Variants in OXR1 observed in about 807,000 individuals in gnomAD.
The protein encoded by OXR1 is oxidation resistance protein 1.
Under a neutral mutation model 104.6 loss-of-function variants are expected in OXR1, and 41 were observed. The ratio of observed to expected loss-of-function variants is 0.39; its 90% confidence interval spans 0.31 to 0.51. OXR1 has a LOEUF of 0.51. Ranked by LOEUF, OXR1 falls within the 20% of genes least tolerant of loss-of-function variation. The pLI is 0.77. For missense variants in OXR1, 955 were observed against 1,031.9 expected (o/e 0.93, Z 1.02); for synonymous variants, 348 against 348.4 (o/e 1.00, Z 0.01).
chr8:106,288,539 TGTGTATATATATATA>T (rs1307936829), intron 1 of OXR1, among the ~76,000 whole-genome samples: 2 of 139,070 alleles, frequency 1.4e-5, no homozygotes, highest in East Asian at 2.0e-4. Flanking sequence ...TATGTGTGTG[TGTGTATATATATATA>T]GTGTGTATAT....
chr8:106,664,269 C>G (rs566845571), intron 3 of OXR1, among the ~76,000 whole-genome samples: 1 of 152,338 alleles, frequency 6.6e-6, no homozygotes, highest in East Asian at 1.9e-4. Flanking sequence ...GATTCTCAAA[C>G]TTCAGCATGC....
intron 1 of OXR1, among the ~76,000 whole-genome samples, chr8:106,315,495 G>A (rs905116821): frequency 6.6e-6 from 1 of 152,026 alleles, no homozygotes; most frequent in African/African-American, 2.4e-5. Flanking sequence ...TTTAAAGCCT[G>A]GCTAAAAATT....
intron 3 of OXR1, among the ~76,000 whole-genome samples, chr8:106,651,558 A>T (rs747665233): frequency 2.0e-5 from 3 of 152,122 alleles, no homozygotes; most frequent in Non-Finnish European, 2.9e-5. Flanking sequence ...GTTGAAAATC[A>T]GTCTGTTTTC....
chr8:106,688,624 T>C (rs997482781), intron 6 of OXR1, among the ~76,000 whole-genome samples: 4 of 152,166 alleles, frequency 2.6e-5, no homozygotes, highest in African/African-American at 4.8e-5. Context: ...CATTTCAGAA[T>C]TTTAATCTTT....
intron 3 of OXR1, among the ~76,000 whole-genome samples, chr8:106,613,529 G>A (rs917095228): frequency 1.3e-5 from 2 of 152,328 alleles, no homozygotes; most frequent in Non-Finnish European, 2.9e-5. Flanking sequence ...CTCCCAAGTA[G>A]CTGGAAATAC....
At chr8:106,641,388 T>C (rs1441908583) in intron 3 of OXR1, among the ~76,000 whole-genome samples, 2 of 152,194 alleles carry the variant, frequency 1.3e-5, no homozygotes, top group Non-Finnish European at 2.9e-5. Context: ...GTAAATGAGA[T>C]GGAGAAGCAT....
At chr8:106,388,413 G>A (rs1323650709) in intron 2 of OXR1, among the ~76,000 whole-genome samples, 2 of 151,498 alleles carry the variant, frequency 1.3e-5, no homozygotes, top group East Asian at 3.9e-4. Context: ...GGTCTCACAG[G>A]ACTTTCAGTT....
At chr8:106,578,985 TTC>T (rs1226158169) in intron 3 of OXR1, among the ~76,000 whole-genome samples, 5 of 140,302 alleles carry the variant, frequency 3.6e-5, no homozygotes, top group Non-Finnish European at 7.7e-5. Flanking sequence ...CACTTTTTCT[TTC>T]TTTTTTTTTT....
At chr8:106,508,519 T>A (rs1006985887) in intron 2 of OXR1, among the ~76,000 whole-genome samples, 9 of 152,214 alleles carry the variant, frequency 5.9e-5, no homozygotes, top group African/African-American at 2.2e-4. Context: ...CTAGGGTAGC[T>A]AATCCGAATT....
At chr8:106,523,433 T>C (rs1813404572) in intron 3 of OXR1, among the ~76,000 whole-genome samples, 1 of 152,162 alleles carries the variant, frequency 6.6e-6, no homozygotes, top group Non-Finnish European at 1.5e-5. Flanking sequence ...ACCTGATATA[T>C]ACACATGCAA....
intron 1 of OXR1, among the ~76,000 whole-genome samples, chr8:106,346,225 A>C (rs1302927620): frequency 3.3e-5 from 5 of 152,200 alleles, no homozygotes; most frequent in Admixed American, 3.3e-4. Context: ...AAGATAATGA[A>C]AAAGAGCTAG....
intron 1 of OXR1, among the ~76,000 whole-genome samples, chr8:106,289,795 A>G (rs1234333267): frequency 1.3e-5 from 2 of 152,026 alleles, no homozygotes; most frequent in East Asian, 1.9e-4. Context: ...CATAATCCCC[A>G]TGTGTCATGG....
chr8:106,332,279 TTCTTCCAGTTGAA>T (rs1257349584), intron 1 of OXR1, among the ~76,000 whole-genome samples: 3 of 152,192 alleles, frequency 2.0e-5, no homozygotes, highest in African/African-American at 7.2e-5. Context: ...GCCATGTTTC[TTCTTCCAGTTGAA>T]TCTTCCAGTT....
At chr8:106,417,934 A>G (rs748283096) in intron 2 of OXR1, among the ~76,000 whole-genome samples, 9 of 152,164 alleles carry the variant, frequency 5.9e-5, no homozygotes, top group Admixed American at 3.9e-4. Context: ...GGGCTTTACC[A>G]CTTCTAGGCC....
At chr8:106,473,765 G>T (rs984616102) in intron 2 of OXR1, among the ~76,000 whole-genome samples, 1 of 150,524 alleles carries the variant, frequency 6.6e-6, no homozygotes, top group African/African-American at 2.4e-5. Flanking sequence ...GTCTTGTCAG[G>T]GACAGTAGTT....
At chr8:106,646,762 G>C (rs1233426694) in intron 3 of OXR1, among the ~76,000 whole-genome samples, 2 of 152,170 alleles carry the variant, frequency 1.3e-5, no homozygotes, top group African/African-American at 2.4e-5. Flanking sequence ...AGAAAGTGCA[G>C]GCAGGAAAAG....
At chr8:106,443,287 G>C (rs1819868678) in intron 2 of OXR1, among the ~76,000 whole-genome samples, 1 of 151,882 alleles carries the variant, frequency 6.6e-6, no homozygotes, top group Non-Finnish European at 1.5e-5. Context: ...TATAATTTCA[G>C]GTTTTTTTTT....
chr8:106,555,609 A>G (rs949294187), intron 3 of OXR1, among the ~76,000 whole-genome samples: 22 of 152,094 alleles, frequency 1.4e-4, no homozygotes, highest in African/African-American at 5.1e-4. Flanking sequence ...TTATTCACTA[A>G]TGATTTTCTA....
chr8:106,609,296 G>T (rs1820636447), intron 3 of OXR1, among the ~76,000 whole-genome samples: 1 of 152,040 alleles, frequency 6.6e-6, no homozygotes, highest in African/African-American at 2.4e-5. Flanking sequence ...AGCACTTCCT[G>T]GGCCTTGAGA....
Sources: gnomAD v4.1 joint callset for allele counts (sites outside exome capture counted in the v4.1 genomes callset) on GRCh38, gnomAD v4.1.1 for gene constraint, MANE v1.5 for transcripts, NCBI Gene and HGNC (gene_info 2026-07-23, HGNC 2026-07-21) for gene names.